The following THOC1 variants were observed in gnomAD, a reference collection of about 807,000 sequenced individuals.
The protein encoded by THOC1 is THO complex subunit 1, also known as THO complex 1.
In THOC1, 29 loss-of-function variants were observed where a neutral mutation model predicts 97.3. That is an observed-to-expected ratio of 0.30 (90% confidence interval 0.22 to 0.41). THOC1 has a LOEUF of 0.41. Among genes scored for constraint, THOC1 ranks in the 10% least tolerant of loss-of-function variants. THOC1 has a pLI of 1.00. For missense variants in THOC1, 529 were observed against 761.9 expected (o/e 0.69, Z 3.60); for synonymous variants, 255 against 257.0 (o/e 0.99, Z 0.07).
chr18:225,690 A>G (rs1911257063), intron 12 of THOC1: 2 of 311,128 alleles, frequency 6.4e-6, no homozygotes, highest in Non-Finnish European at 1.2e-5. Flanking sequence ...AAATAAGCTG[A>G]GTGTGAAACG....
intron 11 of THOC1, among the ~76,000 whole-genome samples, chr18:227,315 A>T (rs1010348744): frequency 3.9e-4 from 56 of 142,430 alleles, no homozygotes; most frequent in Non-Finnish European, 5.2e-4. Context: ...CTCTAAATTT[A>T]AAAAAAAAAT....
chr18:249,935 T>C (rs1912226853), intron 9 of THOC1, among the ~76,000 whole-genome samples: 1 of 152,200 alleles, frequency 6.6e-6, no homozygotes, highest in Non-Finnish European at 1.5e-5. Context: ...AAAATGGGGC[T>C]ACCTCTAACA....
intron 16 of THOC1, 45 bp from the exon 17 acceptor site, chr18:223,550 T>G: frequency 7.0e-7 from 1 of 1,438,212 alleles, no homozygotes; most frequent in Non-Finnish European, 9.5e-7. Flanking sequence ...ATGGACACCA[T>G]CCTCATGTGC....
At chr18:231,761 G>C (rs999132732) in intron 11 of THOC1, among the ~76,000 whole-genome samples, 2 of 151,922 alleles carry the variant, frequency 1.3e-5, no homozygotes, top group Non-Finnish European at 2.9e-5. Flanking sequence ...TGTATTTCAC[G>C]GTTAGGATTT....
At chr18:243,044 C>A (rs993717884) in intron 11 of THOC1, among the ~76,000 whole-genome samples, 6 of 152,088 alleles carry the variant, frequency 3.9e-5, no homozygotes, top group African/African-American at 1.4e-4. Flanking sequence ...AAATTTAAGA[C>A]AAAGTTGTTG....
chr18:264,949 TAAGCTA>T (rs1410733700), intron 3 of THOC1: 1 of 174,304 alleles, frequency 5.7e-6, no homozygotes, highest in East Asian at 1.6e-4. Flanking sequence ...TCCCAGCTCC[TAAGCTA>T]AATATTCTTG....
Position 268,002 on chromosome 18 carries a change from C to G in THOC1, c.18G>C (p.Pro6=), listed in dbSNP as rs1375431623. The change falls in exon 1 of 21, where the codon CCG becomes CCC. Residue 6 remains proline, a synonymous_variant. Transcript: ENST00000261600. MSPTP[P]LFSLPEARTR... ...TCCGCGCTTCGGGCAAACTGAAGAG[C>G]GGCGGCGTCGGAGACATCTTCTCGG... The G allele has an allele frequency of 8.7e-6, 14 of 1,608,630 alleles. No homozygotes were observed. Among genetic ancestry groups the G allele is most frequent in the Admixed American group, 1.7e-5 (1 of 59,762 alleles).
At chr18:241,390 T>A (rs990292629) in intron 11 of THOC1, among the ~76,000 whole-genome samples, 33 of 152,248 alleles carry the variant, frequency 2.2e-4, no homozygotes, top group Non-Finnish European at 3.2e-4. Flanking sequence ...AACTTTTTTT[T>A]AAAAAATGAC....
chr18:264,168 C>T (rs1396884323), intron 3 of THOC1, 76 bp from the exon 4 acceptor site: 21 of 896,236 alleles, frequency 2.3e-5, no homozygotes, highest in Non-Finnish European at 3.5e-5. Context: ...AAAACATGTA[C>T]TCTGATATTA....
Position 259,254 on chromosome 18 carries a change from T to A in THOC1, c.446A>T (p.Lys149Ile). Reference sequence around the variant, plus strand: ...TCCACAGAAGACTGTATTCTGGGATTTAGACAATCTTCTTAGGAGATCTAA... The same window carrying A: ...TCCACAGAAGACTGTATTCTGGGATATAGACAATCTTCTTAGGAGATCTAA... ...MCNDLLRRLS[K>I]SQNTVFCGRI... Residue 149 changes from lysine to isoleucine, a missense_variant, in exon 7 of 21, where the codon AAA (lysine) becomes ATA (isoleucine). Physicochemically the swap from Lys to Ile is moderately radical, Grantham distance 102. Coordinates refer to ENST00000261600, the MANE Select transcript of THOC1 (RefSeq NM_005131.3). 6.2e-7 allele frequency: 1 copy of A among 1,611,128 alleles called. No individual in the cohort carries two copies. Among genetic ancestry groups the A allele is most frequent in the Non-Finnish European group, 8.5e-7 (1 of 1,178,542 alleles).
chr18:238,072 C>T (rs926552086), intron 11 of THOC1, among the ~76,000 whole-genome samples: 6 of 152,074 alleles, frequency 3.9e-5, no homozygotes, highest in African/African-American at 1.4e-4. Context: ...ACCATGTTGG[C>T]CAGGCTGGTT....
At position 220,226 on chromosome 18, in the gene THOC1, G is replaced by A. The variant is rs140175829; in HGVS notation, c.1371-1257C>T. On this transcript the variant is annotated intron_variant, in intron 17 of 20. Transcript: ENST00000261600. The stretch of plus-strand genomic sequence containing the variant: ...CTTGTAGATGAACTGATTTCTTTAG[G>A]CACTGGGCCTTCAAACTTCCACTGC... Among the ~76,000 whole-genome samples the A allele has an allele frequency of 4.4e-4, 67 of 152,060 alleles. 1 individual carries two copies. In the East Asian group the frequency reaches 0.011, roughly 25 times the overall value.
rs200672407 is a variant in THOC1, at chr18:222,467, C to T, written c.1370+973G>A. On this transcript the variant is annotated intron_variant, in intron 17 of 20. Transcript: ENST00000261600. ...TTTTTTAGTTGAAATGTTGAAAAAG[C>T]AAGTAATACTTCTAGAAATGAGAAA... 5.2e-4 allele frequency among the ~76,000 whole-genome samples: 79 copies of T among 152,188 alleles called. 1 individual carries two copies. The East Asian group carries it at 0.012, about 23-fold the overall frequency.
At chr18:253,863 T>C (rs1000995485) in intron 8 of THOC1, among the ~76,000 whole-genome samples, 1 of 152,064 alleles carries the variant, frequency 6.6e-6, no homozygotes, top group Non-Finnish European at 1.5e-5. Context: ...AGTTAAAAGT[T>C]TTTAAATTTT....
Position 265,292 on chromosome 18 carries a change from A to C in THOC1, c.189+11T>G. On this transcript the variant is annotated intron_variant, in intron 3 of 20. Transcript: ENST00000261600. ...GTCAGTAAAATTTTAACAATGGAAA[A>C]ACATACTTACAATTTCTTCTTCTAG... 1.3e-6 allele frequency: 2 copies of C among 1,575,478 alleles called. No individual in the cohort carries two copies. The highest frequency in any genetic ancestry group is 1.7e-6 in the Non-Finnish European group (2 of 1,166,720).
intron 5 of THOC1, 126 bp from the exon 6 acceptor site, chr18:259,856 T>C: frequency 1.6e-6 from 1 of 611,890 alleles, no homozygotes; most frequent in Non-Finnish European, 2.7e-6. Flanking sequence ...CCACTTTCAC[T>C]TTTTTTAAGC....
intron 19 of THOC1, 48 bp from the exon 20 acceptor site, chr18:215,552 T>G: frequency 6.8e-7 from 1 of 1,471,354 alleles, no homozygotes; most frequent in Non-Finnish European, 9.5e-7. Flanking sequence ...GCCTCTGAAG[T>G]AAGGTAACAG....
intron 9 of THOC1, among the ~76,000 whole-genome samples, chr18:250,938 T>G (rs1215899085): frequency 6.6e-6 from 1 of 152,184 alleles, no homozygotes; most frequent in African/African-American, 2.4e-5. Flanking sequence ...AGAGCCCTTA[T>G]GTTGCTCAGG....
Position 220,747 on chromosome 18 carries a change from T to G in THOC1, c.1371-1778A>C, listed in dbSNP as rs554584027. Among the ~76,000 whole-genome samples, 31 of 152,332 alleles carry G rather than the reference T, an allele frequency of 2.0e-4. No individual in the cohort carries two copies. In the South Asian group the frequency reaches 4.8e-3, roughly 23 times the overall value. ...ACTGGGTTGATTCACTCTCACAGAT[T>G]TGGCAGGAATCAATCATGTTAGAAT... On this transcript the variant is annotated intron_variant, in intron 17 of 20. Transcript: ENST00000261600.
Sources: allele counts gnomAD v4.1 joint callset (sites outside exome capture counted in the v4.1 genomes callset), GRCh38; gene constraint gnomAD v4.1.1; transcripts MANE v1.5; gene names NCBI Gene and HGNC (gene_info 2026-07-23, HGNC 2026-07-21).